EDAR: variants seen among roughly 807,000 people sequenced by gnomAD.
EDAR encodes tumor necrosis factor receptor superfamily member EDAR.
In EDAR, 38 loss-of-function variants were observed where a neutral mutation model predicts 51.3. That is an observed-to-expected ratio of 0.74 (90% CI 0.57 to 0.97). EDAR has a LOEUF of 0.97. Ranked by LOEUF, EDAR falls within the 50% of genes least tolerant of loss-of-function variation. The probability of loss-of-function intolerance (pLI) is 0.00; values close to 1 mark genes in which losing one functional copy is unlikely to be tolerated. For missense variants in EDAR, 528 were observed against 595.0 expected, an observed-to-expected ratio of 0.89 and a Z score of 1.17; for synonymous variants, 227 against 242.1, an observed-to-expected ratio of 0.94 and a Z score of 0.58.
intron 1 of EDAR, among the ~76,000 whole-genome samples, chr2:108,940,521 G>A (rs1302391551): frequency 3.3e-5 from 5 of 152,244 alleles, no homozygotes; most frequent in Non-Finnish European, 5.9e-5. Context: ...TGTACTCTGG[G>A]CTCCCCTGGG....
At chr2:108,978,456 T>A (rs62151137) in intron 1 of EDAR, among the ~76,000 whole-genome samples, 1,584 of 152,296 alleles carry the variant, frequency 0.01, 10 homozygotes, top group Non-Finnish European at 0.015. Flanking sequence ...TCATATTTGT[T>A]AGACGCCTCA....
At chr2:108,941,106 A>G (rs1027218618) in intron 1 of EDAR, among the ~76,000 whole-genome samples, 1 of 152,228 alleles carries the variant, frequency 6.6e-6, no homozygotes, top group Non-Finnish European at 1.5e-5. Flanking sequence ...GGAATCGGGC[A>G]GCTGGTTTCT....
At chr2:108,911,903 G>A (rs972680748) in intron 6 of EDAR, among the ~76,000 whole-genome samples, 25 of 152,340 alleles carry the variant, frequency 1.6e-4, no homozygotes, top group African/African-American at 5.3e-4. Flanking sequence ...ATCATCTGGG[G>A]AATACCTGTA....
rs148485572 is a variant in EDAR, at chr2:108,954,338, A to G, written c.-18-23306T>C. Among the ~76,000 whole-genome samples the G allele has an allele frequency of 3.2e-3, 483 of 152,302 alleles. 1 individual carries two copies. Among genetic ancestry groups the G allele is most frequent in the Non-Finnish European group, 3.3e-3 (223 of 68,018 alleles). On this transcript the variant is annotated intron_variant, in intron 1 of 11. Coordinates refer to ENST00000258443, the MANE Select transcript of EDAR (RefSeq NM_022336.4). ...GGCTGCCATTTTCCCATCTTAATGT[A>G]TATGCTTATTATTTGAATAGCTCAT... is the stretch of plus-strand genomic sequence containing the variant.
In EDAR at chr2:108,908,028, A is replaced by T. The variant is rs1246596396; in HGVS notation, c.804-9T>A. 6.2e-7 allele frequency: 1 copy of T among 1,605,708 alleles called. No homozygotes were observed. On this transcript the variant is annotated splice_polypyrimidine_tract_variant and intron_variant, in intron 9 of 11. Coordinates refer to ENST00000258443, the MANE Select transcript of EDAR (RefSeq NM_022336.4). Reference sequence around the variant, plus strand: ...ATGAGGCATCGTTCTCGCTGCAAAAACAAGAGCGATGGTCATTAGCAGTGC... The same window carrying T: ...ATGAGGCATCGTTCTCGCTGCAAAATCAAGAGCGATGGTCATTAGCAGTGC...
chr2:108,964,437 C>T (rs758330505), intron 1 of EDAR, among the ~76,000 whole-genome samples: 1 of 152,098 alleles, frequency 6.6e-6, no homozygotes, highest in Admixed American at 6.5e-5. Context: ...GTTCATCTTT[C>T]CCTAAACTGA....
In EDAR at chr2:108,930,111, G is replaced by C; in HGVS notation, c.174+9C>G. On this transcript the variant is annotated intron_variant, in intron 3 of 11. Transcript: ENST00000258443. ...AGCGCACCAGGCTCCAGGAGGGCTG[G>C]GTCCTTACCAGGTAGGGCTCCTCTC... The C allele has an allele frequency of 6.2e-7, 1 of 1,612,404 alleles. No homozygotes were observed. The highest frequency in any genetic ancestry group is 1.1e-5 in the South Asian group (1 of 90,946).
chr2:108,954,066 T>A (rs1697875487), intron 1 of EDAR, among the ~76,000 whole-genome samples: 1 of 152,216 alleles, frequency 6.6e-6, no homozygotes, highest in South Asian at 2.1e-4. Context: ...ATCCCCTCTA[T>A]GATTTCTTGC....
At position 108,895,054 on chromosome 2, in the gene EDAR, C is replaced by T. The variant is rs1443794247; in HGVS notation, c.*1853G>A. On this transcript the variant is annotated 3_prime_UTR_variant, in exon 12 of 12. Coordinates refer to ENST00000258443, the MANE Select transcript of EDAR (RefSeq NM_022336.4). ...ACAAGGCAGGGGGAAGGGGGCACCA[C>T]AGGATTTCAAAGAGGAATTAAAAGG... The T allele has an allele frequency of 6.6e-6, 1 of 152,638 alleles. No individual in the cohort carries two copies. Among genetic ancestry groups the T allele is most frequent in the Non-Finnish European group, 1.5e-5 (1 of 68,084 alleles). 9.5% of individuals were successfully genotyped at this position (152,638 alleles called of 1,614,324 possible).
At chr2:108,900,281 C>T (rs1425551430) in intron 11 of EDAR, among the ~76,000 whole-genome samples, 4 of 152,178 alleles carry the variant, frequency 2.6e-5, no homozygotes, top group African/African-American at 2.4e-5. Flanking sequence ...AAAGGCTGGG[C>T]CTGGTGGCTC....
rs1050287201 is a variant in EDAR at position 108,979,376 on chromosome 2, C to G, written c.-19+9584G>C. 3.3e-5 allele frequency among the ~76,000 whole-genome samples: 5 copies of G among 152,238 alleles called. No individual in the cohort carries two copies. The South Asian group carries it at 6.2e-4, about 19-fold the overall frequency. On this transcript the variant is annotated intron_variant, in intron 1 of 11. Coordinates refer to ENST00000258443, the MANE Select transcript of EDAR (RefSeq NM_022336.4). ...GACCCTGGGCTGCCCCCTGCCCCAC[C>G]ACTTCCCCCAGCCTGGTCCAAGCCC... is the stretch of plus-strand genomic sequence containing the variant.
intron 3 of EDAR, 109 bp downstream of exon 3, chr2:108,930,011 A>C (rs1697333347): frequency 7.3e-7 from 1 of 1,375,670 alleles, no homozygotes; most frequent in South Asian, 1.4e-5. Context: ...GGCTGGTTTG[A>C]TATACCCTGG....
chr2:108,987,700 G>A (rs1316646382), intron 1 of EDAR, among the ~76,000 whole-genome samples: 2 of 152,146 alleles, frequency 1.3e-5, no homozygotes, highest in African/African-American at 4.8e-5. Flanking sequence ...GATGGGGAGG[G>A]GTACAGTGGA....
In EDAR at chr2:108,920,072, C is replaced by T. The variant is rs572619015; in HGVS notation, c.442+3296G>A. Among the ~76,000 whole-genome samples the T allele has an allele frequency of 2.0e-5, 3 of 152,370 alleles. No homozygotes were observed. The South Asian group carries it at 6.2e-4, about 32-fold the overall frequency. On this transcript the variant is annotated intron_variant, in intron 5 of 11. Transcript: ENST00000258443. ...GGCCAGTCACAGAGACACCTGAGTC[C>T]TCATCTGAATCTCTTTCCCCTTCTG...
At chr2:108,952,430 T>A (rs1303761414) in intron 1 of EDAR, among the ~76,000 whole-genome samples, 2 of 152,242 alleles carry the variant, frequency 1.3e-5, no homozygotes, top group East Asian at 1.9e-4. Flanking sequence ...TACTCTATTA[T>A]GCAGATTAGG....
intron 11 of EDAR, 151 bp downstream of exon 11, chr2:108,906,157 A>C: frequency 1.3e-6 from 1 of 760,858 alleles, no homozygotes; most frequent in Non-Finnish European, 2.3e-6. Context: ...CCCACACCTG[A>C]AATAGTTTCC....
intron 9 of EDAR, 57 bp downstream of exon 9, chr2:108,910,403 C>T (rs1696897079): frequency 1.4e-6 from 2 of 1,436,164 alleles, no homozygotes; most frequent in East Asian, 4.6e-5. Context: ...GGTTCCCCTC[C>T]CTGCTCAGGA....
At chr2:108,908,121 G>T in intron 9 of EDAR, 102 bp from the exon 10 acceptor site, 1 of 1,316,676 alleles carries the variant, frequency 7.6e-7, no homozygotes, top group South Asian at 1.5e-5. Context: ...TGTGGACAGT[G>T]GGGGGCAATG....
At chr2:108,908,439 A>G (rs260634) in intron 9 of EDAR, among the ~76,000 whole-genome samples, 139,216 of 152,258 alleles carry the variant, frequency 0.91, 63,722 homozygotes, top group East Asian at 1. Flanking sequence ...AGATTGATGC[A>G]GCTGGCGCTG....
Sources: gnomAD v4.1 joint callset for allele counts (sites outside exome capture counted in the v4.1 genomes callset) on GRCh38, gnomAD v4.1.1 for gene constraint, MANE v1.5 for transcripts, NCBI Gene and HGNC (gene_info 2026-07-23, HGNC 2026-07-21) for gene names.